ATAD3A: variants seen among roughly 807,000 people sequenced by gnomAD.
ATAD3A encodes ATPase family AAA domain containing 3A.
ATAD3A carries 46 observed loss-of-function variants against 73.8 expected under a neutral mutation model. The observed-to-expected ratio is 0.62, with a 90% CI of 0.49 to 0.80. The LOEUF (loss-of-function observed/expected upper bound fraction) is 0.80, where lower values mean the gene tolerates loss of function less well. Among genes scored for constraint, ATAD3A ranks in the 30% least tolerant of loss-of-function variants. The pLI, the probability that ATAD3A is intolerant of heterozygous loss-of-function variation, is 0.00. For missense variants in ATAD3A, 705 were observed against 838.0 expected (o/e 0.84, Z 1.96); for synonymous variants, 319 against 350.0 (o/e 0.91, Z 0.99).
intron 10 of ATAD3A, 59 bp downstream of exon 10, chr1:1,524,023 G>A (rs1227308051): frequency 7.5e-6 from 12 of 1,610,486 alleles, no homozygotes; most frequent in Non-Finnish European, 9.3e-6. Flanking sequence ...CCTGCCTGCA[G>A]GTGTCTGGGG....
intron 7 of ATAD3A, among the ~76,000 whole-genome samples, chr1:1,521,733 C>T (rs1171272149): frequency 1.3e-5 from 2 of 152,226 alleles, no homozygotes; most frequent in African/African-American, 4.8e-5. Flanking sequence ...CAGGGTCTTG[C>T]TCTGTGGTCA....
intron 15 of ATAD3A, among the ~76,000 whole-genome samples, chr1:1,530,235 C>T (rs1379578473): frequency 1.3e-5 from 2 of 152,240 alleles, no homozygotes; most frequent in Middle Eastern, 6.8e-3. Flanking sequence ...GGTCTGTTTC[C>T]ACAACTAAGA....
At chr1:1,525,635 C>T (rs888418156) in intron 12 of ATAD3A, among the ~76,000 whole-genome samples, 4 of 152,212 alleles carry the variant, frequency 2.6e-5, no homozygotes, top group Non-Finnish European at 5.9e-5. Context: ...AGGATGGTCT[C>T]GATCTCCTGA....
At chr1:1,521,512 G>A (rs556783963) in intron 7 of ATAD3A, among the ~76,000 whole-genome samples, 4 of 152,218 alleles carry the variant, frequency 2.6e-5, no homozygotes, top group African/African-American at 9.6e-5. Flanking sequence ...ACCCCGCCCA[G>A]CACACGGTAG....
rs565174780 is a variant in ATAD3A at position 1,523,009 on chromosome 1, C to T, written c.906+110C>T. 1.0e-4 allele frequency: 155 copies of T among 1,503,542 alleles called. 1 individual carries two copies. The highest frequency in any genetic ancestry group is 2.5e-4 in the East Asian group (10 of 40,644). The allele number at this position is 1,503,542 out of a possible 1,614,324, so 93.1% of individuals were successfully genotyped here. ...CCGTCCCTTCCCTTTCCCCGGATAA[C>T]GGGCACCCGCACACTGCTTCACGGG... On this transcript the variant is annotated intron_variant, in intron 8 of 15. Coordinates refer to ENST00000378756, the MANE Select transcript of ATAD3A (RefSeq NM_001170535.3). The surrounding 1 kb of genome is among the most constrained non-coding windows in gnomAD (Gnocchi z 5.1).
In ATAD3A at chr1:1,527,753, C is replaced by T; in HGVS notation, c.1396C>T (p.Arg466Cys). Residue 466 changes from arginine (R) to cysteine (C), a missense_variant, in exon 14 of 16, where the codon CGC becomes TGC. This residue lies in a region of ATAD3A where 252 missense variants were observed against 278.5 expected (regional missense o/e 0.90). Coordinates refer to ENST00000378756, the MANE Select transcript of ATAD3A (RefSeq NM_001170535.3). ...PEQFDWAIND[R>C]INEMVHFDLP... The stretch of plus-strand genomic sequence containing the variant: ...GCAGTTCGACTGGGCCATCAATGAC[C>T]GCATCAATGAGATGGTCCACTTCGA... 3 of 1,613,902 alleles carry T rather than the reference C, an allele frequency of 1.9e-6. No individual in the cohort carries two copies. Among genetic ancestry groups the T allele is most frequent in the Non-Finnish European group, 1.7e-6 (2 of 1,179,930 alleles).
At chr1:1,517,058 A>T in intron 2 of ATAD3A, 1 of 1,492,166 alleles carries the variant, frequency 6.7e-7, no homozygotes, top group Non-Finnish European at 9.0e-7. Flanking sequence ...CCCTCAGTGC[A>T]GTCCAAAAGG....
At chr1:1,521,639 A>G (rs1341176521) in intron 7 of ATAD3A, among the ~76,000 whole-genome samples, 2 of 151,750 alleles carry the variant, frequency 1.3e-5, no homozygotes, top group Admixed American at 1.3e-4. Flanking sequence ...TGGTGTTGCC[A>G]CCATGTTGGT....
intron 4 of ATAD3A, among the ~76,000 whole-genome samples, chr1:1,518,069 GCACA>G (rs897445064): frequency 4.0e-5 from 6 of 150,680 alleles, no homozygotes; most frequent in African/African-American, 7.3e-5. Flanking sequence ...GCACACACGG[GCACA>G]CACACACCCC....
intron 14 of ATAD3A, among the ~76,000 whole-genome samples, chr1:1,528,114 C>T (rs1641914206): frequency 1.3e-5 from 2 of 152,208 alleles, no homozygotes; most frequent in East Asian, 3.9e-4. Context: ...CGCCCACCAC[C>T]ATGCCTGGCT....
At chr1:1,526,369 T>C in intron 12 of ATAD3A, 92 bp from the exon 13 acceptor site, 7 of 1,567,848 alleles carry the variant, frequency 4.5e-6, no homozygotes, top group Non-Finnish European at 6.1e-6. Flanking sequence ...ATGTCCCTGC[T>C]CCCTGCAGGA....
At chr1:1,526,149 C>G (rs550054345) in intron 12 of ATAD3A, among the ~76,000 whole-genome samples, 2 of 151,736 alleles carry the variant, frequency 1.3e-5, no homozygotes, top group South Asian at 4.2e-4. Context: ...CAGCCTCCCA[C>G]GTAGCTGGGA....
chr1:1,519,918 A>G (rs547936524), intron 5 of ATAD3A, among the ~76,000 whole-genome samples: 6 of 151,962 alleles, frequency 3.9e-5, no homozygotes, highest in South Asian at 4.1e-4. Context: ...GCCTTAGCCT[A>G]TTGGCGGCGT....
intron 11 of ATAD3A, among the ~76,000 whole-genome samples, chr1:1,524,863 G>A (rs1363026403): frequency 2.0e-5 from 3 of 151,284 alleles, no homozygotes; most frequent in African/African-American, 4.9e-5. Context: ...GGCTGTCCTC[G>A]TTGGAACCAC....
rs1441953637 is a variant in ATAD3A, at chr1:1,523,741, G to A, written c.964-98G>A. On this transcript the variant is annotated intron_variant, in intron 9 of 15. Transcript: ENST00000378756. This position sits in a 1 kb window ranked among gnomAD's most constrained non-coding sequence, Gnocchi z 5.1. ...CTGCCCCTGAGGTGGGAGGCTTCCCGAGGAGCCGAGTCTGCACCCAGGCAT... is the reference window on the plus strand; with the variant it reads ...CTGCCCCTGAGGTGGGAGGCTTCCCAAGGAGCCGAGTCTGCACCCAGGCAT... 5 of 1,593,102 alleles carry A rather than the reference G, an allele frequency of 3.1e-6. No individual in the cohort carries two copies. Among genetic ancestry groups the A allele is most frequent in the East Asian group, 4.5e-5 (2 of 44,668 alleles).
chr1:1,523,768 C>G lies in ATAD3A; in HGVS notation c.964-71C>G. 1 of 1,606,670 alleles carries G rather than the reference C, an allele frequency of 6.2e-7. No individual in the cohort carries two copies. Among genetic ancestry groups the G allele is most frequent in the South Asian group, 1.1e-5 (1 of 90,510 alleles). On this transcript the variant is annotated intron_variant, in intron 9 of 15. Coordinates refer to ENST00000378756, the MANE Select transcript of ATAD3A (RefSeq NM_001170535.3). This position sits in a 1 kb window ranked among gnomAD's most constrained non-coding sequence, Gnocchi z 5.1. The stretch of plus-strand genomic sequence containing the variant: ...GGAGCCGAGTCTGCACCCAGGCATT[C>G]CCGCAGCCCCTTCCCCTGAGGCTTC...
At chr1:1,518,764 A>C (rs1408234793) in intron 4 of ATAD3A, among the ~76,000 whole-genome samples, 157 bp from the exon 5 acceptor site, 1 of 147,694 alleles carries the variant, frequency 6.8e-6, no homozygotes, top group East Asian at 2.0e-4. Flanking sequence ...ACCCGCCTGC[A>C]CATTCGGGCA....
At chr1:1,531,009 C>A (rs1426799530) in intron 15 of ATAD3A, among the ~76,000 whole-genome samples, 1 of 151,886 alleles carries the variant, frequency 6.6e-6, no homozygotes, top group Non-Finnish European at 1.5e-5. Flanking sequence ...ACAAAAATTA[C>A]CCCGGCACAT....
Position 1,523,659 on chromosome 1 carries a change from C to G in ATAD3A, c.963+92C>G, listed in dbSNP as rs1641691643. The stretch of plus-strand genomic sequence containing the variant: ...CCCTTGCTGGCGCTCGTGGTGGCAC[C>G]CAGGAGCTTTTGGGTCCTGAGATGC... On this transcript the variant is annotated intron_variant, in intron 9 of 15. Transcript: ENST00000378756. This position sits in a 1 kb window ranked among gnomAD's most constrained non-coding sequence, Gnocchi z 5.1. The G allele has an allele frequency of 2.5e-6, 4 of 1,599,984 alleles. No homozygotes were observed. Among genetic ancestry groups the G allele is most frequent in the Admixed American group, 1.7e-5 (1 of 58,476 alleles).
Sources: allele counts gnomAD v4.1 joint callset (sites outside exome capture counted in the v4.1 genomes callset), GRCh38; gene constraint gnomAD v4.1.1; regional missense constraint gnomAD v4.1.1; non-coding constraint Gnocchi (gnomAD v3.1); transcripts MANE v1.5; gene names NCBI Gene and HGNC (gene_info 2026-07-23, HGNC 2026-07-21).